NCAM2: variants seen among roughly 807,000 people sequenced by gnomAD.
NCAM2 encodes the protein N-CAM-2.
In NCAM2, 30 loss-of-function variants were observed where a neutral mutation model predicts 98.1. The observed-to-expected ratio is 0.31, with a 90% CI of 0.23 to 0.41. NCAM2 has a LOEUF of 0.41. Among genes scored for constraint, NCAM2 ranks in the 10% least tolerant of loss-of-function variants. The pLI is 1.00. For synonymous variants in NCAM2, 368 were observed against 342.4 expected, an observed-to-expected ratio of 1.07 and a Z score of -0.83; for missense variants, 867 against 1,005.8, an observed-to-expected ratio of 0.86 and a Z score of 1.87.
At chr21:21,526,109 T>C (rs1395521422) in intron 16 of NCAM2, among the ~76,000 whole-genome samples, 4 of 151,996 alleles carry the variant, frequency 2.6e-5, no homozygotes, top group East Asian at 3.9e-4. Flanking sequence ...TTTTCAACAG[T>C]GTACTGGAAG....
intron 1 of NCAM2, chr21:21,210,583 G>A: frequency 2.3e-6 from 3 of 1,288,878 alleles, no homozygotes; most frequent in Non-Finnish European, 3.0e-6. Flanking sequence ...TGATTCAGGA[G>A]GACAAGTTTA....
rs192676191 is a variant in NCAM2 at position 21,532,956 on chromosome 21, T to G, written c.2283-1581T>G. The stretch of plus-strand genomic sequence containing the variant: ...TTCAGAGCTAAAAAAGTTTATTCAC[T>G]TCTAGATTTCTTCTATTCTTATAAA... On this transcript the variant is annotated intron_variant, in intron 16 of 17. Coordinates refer to ENST00000400546, the MANE Select transcript of NCAM2 (RefSeq NM_004540.5). Among the ~76,000 whole-genome samples, 8 of 152,206 alleles carry G rather than the reference T, an allele frequency of 5.3e-5. No homozygotes were observed. The East Asian group carries it at 1.5e-3, about 29-fold the overall frequency.
intron 9 of NCAM2, among the ~76,000 whole-genome samples, chr21:21,397,273 G>T (rs2263478): frequency 0.23 from 34,685 of 152,046 alleles, 4,190 homozygotes; most frequent in Admixed American, 0.27. Context: ...CTAACTCCAG[G>T]CTTCAGGCTC....
intron 5 of NCAM2, among the ~76,000 whole-genome samples, chr21:21,301,367 GGTC>G (rs1239654330): frequency 1.6e-5 from 1 of 61,680 alleles, no homozygotes; most frequent in African/African-American, 5.6e-5. Context: ...TATAGTTTGG[GGTC>G]TTTTTTTTTT....
intron 5 of NCAM2, among the ~76,000 whole-genome samples, chr21:21,323,927 C>A (rs2074442497): frequency 6.6e-6 from 1 of 152,094 alleles, no homozygotes; most frequent in Non-Finnish European, 1.5e-5. Context: ...CAATGAGAAG[C>A]CAAATAGGAA....
intron 1 of NCAM2, among the ~76,000 whole-genome samples, chr21:21,073,076 T>A (rs186356760): frequency 6.6e-6 from 1 of 152,338 alleles, no homozygotes; most frequent in African/African-American, 2.4e-5. Context: ...ATGCAATATT[T>A]GTTTTTTGTG....
At chr21:21,017,479 A>G (rs2064336743) in intron 1 of NCAM2, among the ~76,000 whole-genome samples, 1 of 148,564 alleles carries the variant, frequency 6.7e-6, no homozygotes, top group Non-Finnish European at 1.5e-5. Flanking sequence ...AGTCTTCTAT[A>G]GAGGGAGAAG....
Position 21,387,187 on chromosome 21 carries a change from TACACAC to T in NCAM2, c.1195+13206_1195+13211del, listed in dbSNP as rs61585220. Among the ~76,000 whole-genome samples, 683 of 121,294 alleles carry T rather than the reference TACACAC, an allele frequency of 5.6e-3. 6 individuals are homozygous for T. The highest frequency in any genetic ancestry group is 0.021 in the South Asian group (80 of 3,728). 79.6% of individuals were successfully genotyped at this position (121,294 alleles called of 152,430 possible). A position where few individuals can be genotyped will look rare whatever the true frequency, so the allele number is the denominator to read the frequency against. On this transcript the variant is annotated intron_variant, in intron 9 of 17. Transcript: ENST00000400546. ...CCTTTACTTGGTGCGCACACACACA[TACACAC>T]ACACACACACACACACACACACACA...
chr21:21,287,139 C>A (rs561720433), intron 4 of NCAM2, among the ~76,000 whole-genome samples: 2 of 151,906 alleles, frequency 1.3e-5, no homozygotes, highest in African/African-American at 4.8e-5. Context: ...TTACCATGTT[C>A]ATAGGGAGCA....
At chr21:21,140,085 G>A (rs1349422252) in intron 1 of NCAM2, among the ~76,000 whole-genome samples, 3 of 151,994 alleles carry the variant, frequency 2.0e-5, no homozygotes, top group Non-Finnish European at 4.4e-5. Flanking sequence ...TATTTTTTAT[G>A]GCTAGAATAA....
chr21:21,078,363 G>A (rs8129130), intron 1 of NCAM2, among the ~76,000 whole-genome samples: 35,416 of 152,068 alleles, frequency 0.23, 4,940 homozygotes, highest in African/African-American at 0.38. Flanking sequence ...GAAGAAGATT[G>A]TAATATTCAC....
rs1022234539 is a variant in NCAM2 at position 21,440,501 on chromosome 21, G to A, written c.1654+8220G>A. Reference sequence around the variant, plus strand: ...GTTCAGGACCAACCTGGGCAACATGGCGAAACCTCATATTGACAAAAATAC... The same window carrying A: ...GTTCAGGACCAACCTGGGCAACATGACGAAACCTCATATTGACAAAAATAC... On this transcript the variant is annotated intron_variant, in intron 12 of 17. Coordinates refer to ENST00000400546, the MANE Select transcript of NCAM2 (RefSeq NM_004540.5). Among the ~76,000 whole-genome samples, 9 of 152,062 alleles carry A rather than the reference G, an allele frequency of 5.9e-5. No homozygotes were observed. The South Asian group carries it at 1.9e-3, about 32-fold the overall frequency.
intron 17 of NCAM2, among the ~76,000 whole-genome samples, chr21:21,537,474 T>G (rs2146437069): frequency 6.6e-6 from 1 of 152,264 alleles, no homozygotes; most frequent in South Asian, 2.1e-4. Context: ...TTCCATAACA[T>G]GTAATTATAT....
At chr21:21,118,671 T>G (rs1157687597) in intron 1 of NCAM2, among the ~76,000 whole-genome samples, 3 of 152,168 alleles carry the variant, frequency 2.0e-5, no homozygotes, top group Non-Finnish European at 1.5e-5. Context: ...CTAATTTCAC[T>G]TTTCTTCTAC....
chr21:21,125,281 T>C (rs529804618), intron 1 of NCAM2, among the ~76,000 whole-genome samples: 1 of 140,052 alleles, frequency 7.1e-6, no homozygotes, highest in East Asian at 2.1e-4. Context: ...AACTGTATCA[T>C]ACCCCTGATG....
intron 6 of NCAM2, among the ~76,000 whole-genome samples, chr21:21,328,921 C>CAT (rs1391275691): frequency 2.0e-5 from 3 of 151,508 alleles, no homozygotes; most frequent in East Asian, 1.9e-4. Flanking sequence ...CCATTTACAA[C>CAT]ATATATATAT....
At chr21:21,532,088 G>A (rs1253902629) in intron 16 of NCAM2, among the ~76,000 whole-genome samples, 1 of 151,846 alleles carries the variant, frequency 6.6e-6, no homozygotes, top group Non-Finnish European at 1.5e-5. Flanking sequence ...CCAAGGTTAA[G>A]TAAAATATTC....
chr21:21,507,743 T>A (rs1971927902), intron 15 of NCAM2, among the ~76,000 whole-genome samples: 1 of 137,210 alleles, frequency 7.3e-6, no homozygotes, highest in Admixed American at 8.1e-5. Flanking sequence ...TGAGCCGAGA[T>A]CGCCCCACTG....
chr21:21,490,224 A>G (rs1481816821), intron 15 of NCAM2, among the ~76,000 whole-genome samples: 1 of 150,830 alleles, frequency 6.6e-6, no homozygotes, highest in Non-Finnish European at 1.5e-5. Flanking sequence ...GTAAAACTAA[A>G]AAAAAACAAT....
Sources: gnomAD v4.1 joint callset for allele counts (sites outside exome capture counted in the v4.1 genomes callset) on GRCh38, gnomAD v4.1.1 for gene constraint, MANE v1.5 for transcripts, NCBI Gene and HGNC (gene_info 2026-07-23, HGNC 2026-07-21) for gene names.